Variants in TFEC observed in about 807,000 individuals in gnomAD.
TFEC encodes the protein transcription factor EC.
Under a neutral mutation model 41.6 loss-of-function variants are expected in TFEC, and 31 were observed. The ratio of observed to expected loss-of-function variants is 0.74; its 90% CI spans 0.56 to 1.01. TFEC has a LOEUF of 1.01. TFEC is among the 50% of genes least tolerant of loss of function. The probability of loss-of-function intolerance (pLI) is 0.00; values close to 1 mark genes in which losing one functional copy is unlikely to be tolerated. For missense variants in TFEC, 402 were observed against 404.1 expected, an observed-to-expected ratio of 0.99 and a Z score of 0.04; for synonymous variants, 143 against 140.6, an observed-to-expected ratio of 1.02 and a Z score of -0.12.
At chr7:116,149,232 A>G (rs567054096) in intron 1 of TFEC, among the ~76,000 whole-genome samples, 1 of 152,310 alleles carries the variant, frequency 6.6e-6, no homozygotes, top group South Asian at 2.1e-4. Flanking sequence ...CCTCCAGCAA[A>G]GTTGACCAAG....
At chr7:116,141,613 C>T (rs1798542815) in intron 1 of TFEC, among the ~76,000 whole-genome samples, 1 of 152,128 alleles carries the variant, frequency 6.6e-6, no homozygotes, top group African/African-American at 2.4e-5. Flanking sequence ...CATCCAAAGA[C>T]CACTGGAAGC....
chr7:116,122,129 C>G (rs1798120563), intron 1 of TFEC, among the ~76,000 whole-genome samples: 1 of 151,982 alleles, frequency 6.6e-6, no homozygotes, highest in Non-Finnish European at 1.5e-5. Flanking sequence ...TATTAAAGAT[C>G]ATCAGGAAAC....
At chr7:116,097,541 C>T (rs1797495435) in intron 3 of TFEC, among the ~76,000 whole-genome samples, 1 of 152,042 alleles carries the variant, frequency 6.6e-6, no homozygotes, top group Non-Finnish European at 1.5e-5. Context: ...ACGAAAATGG[C>T]TACTAAGTGA....
intron 3 of TFEC, among the ~76,000 whole-genome samples, chr7:116,092,351 G>A (rs151192339): frequency 6.6e-6 from 1 of 152,272 alleles, no homozygotes; most frequent in East Asian, 1.9e-4. Context: ...GACTCCATTT[G>A]ATTAGCTGTA....
At chr7:116,151,453 G>A (rs986420025) in intron 1 of TFEC, among the ~76,000 whole-genome samples, 4 of 151,976 alleles carry the variant, frequency 2.6e-5, no homozygotes, top group African/African-American at 9.7e-5. Context: ...ATGTTGGCCA[G>A]GCTGGTCTTG....
Position 116,132,530 on chromosome 7 carries a change from AAGT to A in TFEC, c.-68-20495_-68-20493del, listed in dbSNP as rs1798353505. ...GCTTCATCAAAGGCAATCCTAAGTAAAGTTGGCATTGTTTTCTTTAACTGTGAG... is the reference window on the plus strand; with the variant it reads ...GCTTCATCAAAGGCAATCCTAAGTAATGGCATTGTTTTCTTTAACTGTGAG... On this transcript the variant is annotated intron_variant, in intron 1 of 8. Coordinates refer to the TFEC transcript ENST00000484212. Among the ~76,000 whole-genome samples the A allele has an allele frequency of 2.0e-5, 3 of 152,324 alleles. No individual in the cohort carries two copies. In the South Asian group the frequency reaches 6.2e-4, roughly 32 times the overall value.
At chr7:116,038,199 A>C (rs1053858491) in intron 3 of TFEC, among the ~76,000 whole-genome samples, 3 of 152,078 alleles carry the variant, frequency 2.0e-5, no homozygotes, top group Non-Finnish European at 4.4e-5. Context: ...AAATTTCTCT[A>C]GAGCTTATAT....
intron 2 of TFEC, among the ~76,000 whole-genome samples, chr7:115,975,986 A>G (rs1793361415): frequency 6.6e-6 from 1 of 152,202 alleles, no homozygotes; most frequent in Non-Finnish European, 1.5e-5. Context: ...AATTTCTGCA[A>G]TGATGGGAAT....
At chr7:116,029,935 G>A (rs559575404) in intron 1 of TFEC, among the ~76,000 whole-genome samples, 43 of 151,530 alleles carry the variant, frequency 2.8e-4, no homozygotes, top group African/African-American at 9.4e-4. Context: ...GTGTGGTGGC[G>A]CATGCCTGTA....
At chr7:115,996,473 T>C (rs915821236) in intron 1 of TFEC, among the ~76,000 whole-genome samples, 12 of 152,140 alleles carry the variant, frequency 7.9e-5, no homozygotes, top group East Asian at 7.8e-4. Context: ...CTCAGAGACA[T>C]GCTGGCTTAG....
chr7:116,060,018 A>G (rs1796515940), intron 3 of TFEC, among the ~76,000 whole-genome samples: 1 of 152,098 alleles, frequency 6.6e-6, no homozygotes, highest in Non-Finnish European at 1.5e-5. Context: ...AAAAAGAAGT[A>G]AAACTATCTT....
chr7:116,017,555 G>A lies in TFEC; in HGVS notation c.-73+13078C>T, dbSNP rs745322729. Among the ~76,000 whole-genome samples, 86 of 152,122 alleles carry A rather than the reference G, an allele frequency of 5.7e-4. 1 individual carries two copies. The highest frequency in any genetic ancestry group is 5.6e-4 in the Non-Finnish European group (38 of 67,986). ...TTATCTAGAATGAAATCCAGCTTCC[G>A]TACCATGACCTTCGTGTTGAATAGG... On this transcript the variant is annotated intron_variant, in intron 1 of 7. Transcript: ENST00000265440.
chr7:115,959,900 C>T lies in TFEC; in HGVS notation c.268-3107G>A, dbSNP rs552497038. Among the ~76,000 whole-genome samples, 199 of 150,760 alleles carry T rather than the reference C, an allele frequency of 1.3e-3. 1 individual carries two copies. The highest frequency in any genetic ancestry group is 3.1e-3 in the Admixed American group (47 of 15,078). ...ACTAAATTACAGATAACAGGAGTTT[C>T]GAAAAGAGAGAAAAATAATATTGGA... On this transcript the variant is annotated intron_variant, in intron 3 of 7. Coordinates refer to ENST00000265440, the MANE Select transcript of TFEC (RefSeq NM_012252.4).
At chr7:116,127,568 T>C (rs1346962934) in intron 1 of TFEC, among the ~76,000 whole-genome samples, 1 of 152,108 alleles carries the variant, frequency 6.6e-6, no homozygotes, top group East Asian at 1.9e-4. Flanking sequence ...CTATTTGTTC[T>C]ATTTTTTTCT....
chr7:115,939,540 T>A lies in TFEC; in HGVS notation c.*1011A>T, dbSNP rs1048866874. 2.0e-5 allele frequency: 3 copies of A among 152,098 alleles called. No individual in the cohort carries two copies. Among genetic ancestry groups the A allele is most frequent in the African/African-American group, 7.2e-5 (3 of 41,448 alleles). 9.4% of individuals were successfully genotyped at this position (152,098 alleles called of 1,614,324 possible). ...TGGCAATTCAATTTTCAATATTTTA[T>A]CCATTTGGAGAAAAACCAAATCAAC... On this transcript the variant is annotated 3_prime_UTR_variant, in exon 8 of 8. Coordinates refer to ENST00000265440, the MANE Select transcript of TFEC (RefSeq NM_012252.4).
At chr7:116,053,319 T>C (rs62475175) in intron 3 of TFEC, among the ~76,000 whole-genome samples, 36,592 of 152,102 alleles carry the variant, frequency 0.24, 4,556 homozygotes, top group East Asian at 0.39. Context: ...TATCTGTGCA[T>C]ATACAGCATA....
intron 1 of TFEC, among the ~76,000 whole-genome samples, chr7:115,988,577 T>C (rs536801621): frequency 5.3e-5 from 8 of 151,878 alleles, no homozygotes; most frequent in African/African-American, 9.7e-5. Flanking sequence ...ATCTAAGAAC[T>C]GTGGGACAAT....
chr7:116,042,083 T>G (rs1796050666), intron 3 of TFEC, among the ~76,000 whole-genome samples: 1 of 152,034 alleles, frequency 6.6e-6, no homozygotes, highest in South Asian at 2.1e-4. Context: ...AACAGGTGAA[T>G]GTAGGTGACA....
chr7:116,088,255 C>A (rs1402626955), intron 3 of TFEC, among the ~76,000 whole-genome samples: 1 of 152,122 alleles, frequency 6.6e-6, no homozygotes, highest in Non-Finnish European at 1.5e-5. Context: ...TACTATAGAA[C>A]TCTGTGCTGA....
Sources: allele counts gnomAD v4.1 joint callset (sites outside exome capture counted in the v4.1 genomes callset), GRCh38; gene constraint gnomAD v4.1.1; transcripts MANE v1.5; gene names NCBI Gene and HGNC (gene_info 2026-07-23, HGNC 2026-07-21).